The following ESYT1 variants were observed in gnomAD, a reference collection of about 807,000 sequenced individuals.
The protein encoded by ESYT1 is extended synaptotagmin-1.
ESYT1 carries 116 observed loss-of-function variants against 154.2 expected under a neutral mutation model. The observed-to-expected ratio is 0.75, with a 90% confidence interval of 0.65 to 0.88. The LOEUF (loss-of-function observed/expected upper bound fraction) is 0.88, where lower values mean the gene tolerates loss of function less well. Ranked by LOEUF, ESYT1 falls within the 40% of genes least tolerant of loss-of-function variation. ESYT1 has a pLI of 0.00. For synonymous variants in ESYT1, 500 were observed against 539.9 expected, an observed-to-expected ratio of 0.93 and a Z score of 1.02; for missense variants, 1,264 against 1,379.3, an observed-to-expected ratio of 0.92 and a Z score of 1.32.
chr12:56,139,740 C>T (rs1021153803), intron 24 of ESYT1, among the ~76,000 whole-genome samples: 4 of 151,628 alleles, frequency 2.6e-5, no homozygotes, highest in Admixed American at 6.6e-5. Context: ...GGATTACATG[C>T]GCGTGCCACC....
rs763603925 is a variant in ESYT1, at chr12:56,142,249, C to T, written c.2593-36C>T. 18 of 1,609,052 alleles carry T rather than the reference C, an allele frequency of 1.1e-5. No homozygotes were observed. The highest frequency in any genetic ancestry group is 1.3e-5 in the Non-Finnish European group (15 of 1,176,706). On this transcript the variant is annotated intron_variant, in intron 24 of 30. Transcript: ENST00000394048. This position sits in a 1 kb window ranked among gnomAD's most constrained non-coding sequence, Gnocchi z 4.1. Reference sequence around the variant, plus strand: ...ACCAGGATTAACTCATTTGTTGATGCATTCGCCTCTTGATCATGGTCCTGT... The same window carrying T: ...ACCAGGATTAACTCATTTGTTGATGTATTCGCCTCTTGATCATGGTCCTGT...
At chr12:56,130,329 A>C (rs1346840790) in intron 1 of ESYT1, 2 of 566,346 alleles carry the variant, frequency 3.5e-6, no homozygotes, top group South Asian at 2.2e-5. Flanking sequence ...AGCAGCTGTC[A>C]TTTCACCACG....
Position 56,138,246 on chromosome 12 carries a change from C to G in ESYT1, c.2311C>G (p.Arg771Gly), listed in dbSNP as rs368530667. Residue 771 changes from arginine (R) to glycine (G), a missense_variant, in exon 21 of 31, where the codon CGT (arginine) becomes GGT (glycine). Arg to Gly is a moderately radical substitution (Grantham distance 125, BLOSUM62 -2). Coordinates refer to ENST00000394048, the MANE Select transcript of ESYT1 (RefSeq NM_015292.3). ...LHLRLERLTP[R>G]PTAAELEEVL... ...CTTGCGCCTGGAGCGTCTCACCCCCCGTCCCACTGCTGCTGAGTTAGAGGA... is the reference window on the plus strand; with the variant it reads ...CTTGCGCCTGGAGCGTCTCACCCCCGGTCCCACTGCTGCTGAGTTAGAGGA... The G allele has an allele frequency of 6.2e-6, 10 of 1,614,108 alleles. No individual in the cohort carries two copies. Among genetic ancestry groups the G allele is most frequent in the African/African-American group, 1.3e-5 (1 of 74,934 alleles).
intron 15 of ESYT1, 137 bp downstream of exon 15, chr12:56,134,565 C>A: frequency 1.4e-6 from 1 of 738,152 alleles, no homozygotes; most frequent in Middle Eastern, 2.3e-4. Flanking sequence ...CCCTGAATAT[C>A]TCTCCATTGT....
chr12:56,138,627 G>T (rs1220093651), intron 22 of ESYT1, 128 bp downstream of exon 22: 1 of 1,281,480 alleles, frequency 7.8e-7, no homozygotes, highest in Non-Finnish European at 1.1e-6. Context: ...TGCAGGGGTG[G>T]GAAAAGTTGT....
At chr12:56,139,651 A>G (rs570774378) in intron 24 of ESYT1, among the ~76,000 whole-genome samples, 11 of 147,060 alleles carry the variant, frequency 7.5e-5, no homozygotes, top group Non-Finnish European at 1.2e-4. Context: ...GCTAGAGTGC[A>G]GTGGCGCAAT....
chr12:56,133,707 G>A, intron 12 of ESYT1, 33 bp downstream of exon 12: 1 of 1,613,550 alleles, frequency 6.2e-7, no homozygotes, highest in South Asian at 1.1e-5. Flanking sequence ...AGCTGGCAGG[G>A]GAGAAATAGG....
At chr12:56,128,779 C>T in intron 1 of ESYT1, 70 bp downstream of exon 1, 2 of 1,578,058 alleles carry the variant, frequency 1.3e-6, no homozygotes, top group Non-Finnish European at 1.7e-6. Flanking sequence ...GGCTTTTCCT[C>T]CTTATGCCTA....
rs1870511706 is a variant in ESYT1, at chr12:56,137,530, A to G, written c.1970A>G (p.Gln657Arg). The G allele has an allele frequency of 1.9e-6, 3 of 1,614,076 alleles. No individual in the cohort carries two copies. Among genetic ancestry groups the G allele is most frequent in the African/African-American group, 1.3e-5 (1 of 75,026 alleles). Residue 657 changes from glutamine to arginine, a missense_variant, in exon 18 of 31, where the codon CAG becomes CGG. Transcript: ENST00000394048. ...HVLRIHVLEA[Q>R]DLIAKDRFLG... is the part of the protein sequence containing the mutation. Reference sequence around the variant, plus strand: ...CTTCGGATCCATGTATTAGAGGCCCAGGACCTGATTGCCAAAGACCGTTTC... The same window carrying G: ...CTTCGGATCCATGTATTAGAGGCCCGGGACCTGATTGCCAAAGACCGTTTC...
At chr12:56,135,395 C>T (rs1204325609) in intron 15 of ESYT1, among the ~76,000 whole-genome samples, 1 of 151,254 alleles carries the variant, frequency 6.6e-6, no homozygotes, top group African/African-American at 2.4e-5. Context: ...TGGTCTCGAA[C>T]TCCCAACCTC....
chr12:56,138,442 T>C lies in ESYT1; in HGVS notation c.2376T>C (p.Ser792=), dbSNP rs199990606. 6 of 1,613,348 alleles carry C rather than the reference T, an allele frequency of 3.7e-6. No individual in the cohort carries two copies. The East Asian group carries it at 6.7e-5, about 18-fold the overall frequency. ...ATAGTTTGATCCAGACTCAGAAGAGTGCGGAGCTGGCTGCGGCCCTGCTAT... is the reference window on the plus strand; with the variant it reads ...ATAGTTTGATCCAGACTCAGAAGAGCGCGGAGCTGGCTGCGGCCCTGCTAT... ...QVNSLIQTQK[S]AELAAALLSI... The change falls in exon 22 of 31, where the codon AGT becomes AGC. Residue 792 remains serine (S), a synonymous_variant. Coordinates refer to ENST00000394048, the MANE Select transcript of ESYT1 (RefSeq NM_015292.3).
rs764624403 is a variant in ESYT1, at chr12:56,140,115, G to T, written c.2592+1102G>T. ...ACTCCTGGACTCAAGCATTCTGCCC[G>T]CCTCGGCATCCCAAAGTGCTGGGAT... On this transcript the variant is annotated intron_variant, in intron 24 of 30. Transcript: ENST00000394048. Among the ~76,000 whole-genome samples, 4 of 151,884 alleles carry T rather than the reference G, an allele frequency of 2.6e-5. No homozygotes were observed. The East Asian group carries it at 7.8e-4, about 30-fold the overall frequency.
At chr12:56,141,565 C>T (rs1870692908) in intron 24 of ESYT1, among the ~76,000 whole-genome samples, 1 of 152,062 alleles carries the variant, frequency 6.6e-6, no homozygotes, top group Admixed American at 6.6e-5. Flanking sequence ...ACGGTGAAAC[C>T]CTGTCTCTAT....
rs1870580844 is a variant in ESYT1, at chr12:56,138,981, A to G, written c.2560A>G (p.Arg854Gly). The change falls in exon 24 of 31, where the codon AGG becomes GGG. Residue 854 changes from arginine to glycine, a missense_variant. Coordinates refer to ENST00000394048, the MANE Select transcript of ESYT1 (RefSeq NM_015292.3). Reference sequence around the variant, plus strand: ...GGATGAGAGTGCCTCCTTTCTCATCAGGAAACCACACACTGAGAGCCTAGA... The same window carrying G: ...GGATGAGAGTGCCTCCTTTCTCATCGGGAAACCACACACTGAGAGCCTAGA... Reference protein sequence around the residue: ...VWDESASFLIRKPHTESLELQ... With the variant: ...VWDESASFLIGKPHTESLELQ... The G allele has an allele frequency of 1.2e-6, 2 of 1,614,194 alleles. No individual in the cohort carries two copies. Among genetic ancestry groups the G allele is most frequent in the South Asian group, 1.1e-5 (1 of 91,078 alleles).
In ESYT1 at chr12:56,137,567, G is replaced by C. The variant is rs1260061880; in HGVS notation, c.2007G>C (p.Leu669=). The change falls in exon 18 of 31, where the codon CTG becomes CTC. Residue 669 remains leucine (L), a synonymous_variant. Transcript: ENST00000394048. ...LIAKDRFLGG[L]VKGKSDPYVK... Reference sequence around the variant, plus strand: ...CCAAAGACCGTTTCTTGGGGGGACTGGTGAAGGGCAAGTCAGACCCCTATG... The same window carrying C: ...CCAAAGACCGTTTCTTGGGGGGACTCGTGAAGGGCAAGTCAGACCCCTATG... The C allele has an allele frequency of 1.2e-6, 2 of 1,614,178 alleles. No individual in the cohort carries two copies. Among genetic ancestry groups the C allele is most frequent in the East Asian group, 2.2e-5 (1 of 44,892 alleles).
At chr12:56,139,445 A>G (rs1477006556) in intron 24 of ESYT1, among the ~76,000 whole-genome samples, 2 of 151,494 alleles carry the variant, frequency 1.3e-5, no homozygotes, top group African/African-American at 2.4e-5. Flanking sequence ...TGGAGCTCAC[A>G]CTCTGTTTTG....
chr12:56,142,462 G>A lies in ESYT1; in HGVS notation c.2733+37G>A. The A allele has an allele frequency of 6.2e-7, 1 of 1,607,748 alleles. No homozygotes were observed. The highest frequency in any genetic ancestry group is 8.5e-7 in the Non-Finnish European group (1 of 1,175,404). ...GAGATGGTGGGCAGGATGAGAGGGAGGAGGGGAGGGCCTTCACAGGTGAGG... is the reference window on the plus strand; with the variant it reads ...GAGATGGTGGGCAGGATGAGAGGGAAGAGGGGAGGGCCTTCACAGGTGAGG... On this transcript the variant is annotated intron_variant, in intron 25 of 30. Transcript: ENST00000394048. This position sits in a 1 kb window ranked among gnomAD's most constrained non-coding sequence, Gnocchi z 4.1.
At chr12:56,133,275 G>A in intron 10 of ESYT1, 142 bp from the exon 11 acceptor site, 1 of 840,636 alleles carries the variant, frequency 1.2e-6, no homozygotes, top group Non-Finnish European at 2.0e-6. Flanking sequence ...ACGCATGCAG[G>A]TGAATATCTT....
At chr12:56,141,794 C>T (rs1870708796) in intron 24 of ESYT1, among the ~76,000 whole-genome samples, 1 of 151,784 alleles carries the variant, frequency 6.6e-6, no homozygotes, top group Non-Finnish European at 1.5e-5. Context: ...GTCCACTCTA[C>T]TCTGGTTAAG....
Sources: gnomAD v4.1 joint callset for allele counts (sites outside exome capture counted in the v4.1 genomes callset) on GRCh38, gnomAD v4.1.1 for gene constraint, Gnocchi (gnomAD v3.1) non-coding constraint, MANE v1.5 for transcripts, NCBI Gene and HGNC (gene_info 2026-07-23, HGNC 2026-07-21) for gene names.